The following SYN3 variants were observed in gnomAD, a reference collection of about 807,000 sequenced individuals.
SYN3 encodes synapsin-3.
In SYN3, 35 loss-of-function variants were observed where a neutral mutation model predicts 65.8. The observed-to-expected ratio is 0.53, with a 90% confidence interval of 0.41 to 0.70. SYN3 has a LOEUF of 0.70. Among genes scored for constraint, SYN3 ranks in the 30% least tolerant of loss-of-function variants. The pLI, the probability that SYN3 is intolerant of heterozygous loss-of-function variation, is 0.00. For missense variants in SYN3, 680 were observed against 749.0 expected, an observed-to-expected ratio of 0.91 and a Z score of 1.08; for synonymous variants, 270 against 292.9, an observed-to-expected ratio of 0.92 and a Z score of 0.80.
intron 6 of SYN3, among the ~76,000 whole-genome samples, chr22:32,599,919 C>A (rs1401133790): frequency 6.6e-6 from 1 of 152,016 alleles, no homozygotes; most frequent in Non-Finnish European, 1.5e-5. Flanking sequence ...GGCAGCATGG[C>A]AGGAAGCTGT....
At chr22:32,680,095 G>A (rs2147108694) in intron 6 of SYN3, among the ~76,000 whole-genome samples, 1 of 152,002 alleles carries the variant, frequency 6.6e-6, no homozygotes, top group East Asian at 1.9e-4. Flanking sequence ...GTAATATTCT[G>A]TAATCGAATG....
intron 7 of SYN3, among the ~76,000 whole-genome samples, chr22:32,551,290 G>A (rs2058410484): frequency 6.6e-6 from 1 of 152,140 alleles, no homozygotes; most frequent in African/African-American, 2.4e-5. Flanking sequence ...CATCTCAACA[G>A]AGAGACTTGC....
chr22:32,730,946 C>G (rs2061262284), intron 6 of SYN3, among the ~76,000 whole-genome samples: 2 of 152,168 alleles, frequency 1.3e-5, no homozygotes, highest in Admixed American at 1.3e-4. Flanking sequence ...ACAAACATCA[C>G]TTTCCAGGAT....
Position 32,538,078 on chromosome 22 carries a change from T to C in SYN3, c.950A>G (p.Asn317Ser). 1 of 1,614,218 alleles carries C rather than the reference T, an allele frequency of 6.2e-7. No homozygotes were observed. Among genetic ancestry groups the C allele is most frequent in the Non-Finnish European group, 8.5e-7 (1 of 1,180,034 alleles). The change falls in exon 9 of 14, where the codon AAC (asparagine) becomes AGC (serine). Residue 317 changes from asparagine to serine, a missense_variant. Transcript: ENST00000358763. ...CTGCTCCAGCATGGCAGAGCCTGTG[T>C]TGGCCTTCCAGTTCCCAGAGATGGA... ...RTSISGNWKA[N>S]TGSAMLEQVA... is the part of the protein sequence containing the mutation.
chr22:32,981,678 A>C (rs1601835739), intron 2 of SYN3, among the ~76,000 whole-genome samples: 1 of 152,260 alleles, frequency 6.6e-6, no homozygotes, highest in East Asian at 1.9e-4. Context: ...CCACATAAAA[A>C]GGTCTGAAAT....
Position 32,734,509 on chromosome 22 carries a change from G to GACAGA in SYN3, c.711+130405_711+130406insTCTGT, listed in dbSNP as rs1555941092. Among the ~76,000 whole-genome samples, 47 of 84,042 alleles carry GACAGA rather than the reference G, an allele frequency of 5.6e-4. 1 individual carries two copies. In the South Asian group the frequency reaches 7.6e-3, roughly 14 times the overall value. The allele number at this position is 84,042 out of a possible 152,430, so 55.1% of individuals were successfully genotyped here. A position where few individuals can be genotyped will look rare whatever the true frequency, so the allele number is the denominator to read the frequency against. ...TGATGGAGGAGCAGAGAAGAGGCAG[G>GACAGA]CAGGCAGACAGACAGACAGACAGAC... is the stretch of plus-strand genomic sequence containing the variant. On this transcript the variant is annotated intron_variant, in intron 6 of 13. Coordinates refer to ENST00000358763, the MANE Select transcript of SYN3 (RefSeq NM_003490.4).
At chr22:32,760,139 T>C (rs1370208251) in intron 6 of SYN3, among the ~76,000 whole-genome samples, 3 of 77,756 alleles carry the variant, frequency 3.9e-5, no homozygotes, top group African/African-American at 5.3e-5. Context: ...CACCCATGCA[T>C]CCGCAGCCAG....
At chr22:32,948,311 G>A (rs188503470) in intron 3 of SYN3, among the ~76,000 whole-genome samples, 3 of 152,054 alleles carry the variant, frequency 2.0e-5, no homozygotes, top group Non-Finnish European at 2.9e-5. Flanking sequence ...ACACTGTAGC[G>A]GGCTACTAGG....
chr22:32,671,730 C>T (rs1346515501), intron 6 of SYN3, among the ~76,000 whole-genome samples: 3 of 149,656 alleles, frequency 2.0e-5, no homozygotes, highest in Admixed American at 1.3e-4. Flanking sequence ...CTCACAGGTA[C>T]ACACACATGC....
intron 6 of SYN3, among the ~76,000 whole-genome samples, chr22:32,707,997 G>C (rs1232722225): frequency 6.6e-6 from 1 of 152,242 alleles, no homozygotes; most frequent in Admixed American, 6.5e-5. Flanking sequence ...CAGAAACTAA[G>C]ACTTAGAGCC....
At chr22:32,530,864 G>A (rs2146156651) in intron 10 of SYN3, among the ~76,000 whole-genome samples, 1 of 151,984 alleles carries the variant, frequency 6.6e-6, no homozygotes, top group Non-Finnish European at 1.5e-5. Context: ...AAATTAGCCG[G>A]GCGTGGTGGC....
chr22:32,576,527 T>A (rs1011349705), intron 7 of SYN3, among the ~76,000 whole-genome samples: 2 of 152,180 alleles, frequency 1.3e-5, no homozygotes, highest in Non-Finnish European at 2.9e-5. Context: ...GTAAGGTATT[T>A]CAAATTCAAA....
chr22:32,579,869 T>G (rs552945142), intron 7 of SYN3, among the ~76,000 whole-genome samples: 1 of 152,324 alleles, frequency 6.6e-6, no homozygotes, highest in Admixed American at 6.5e-5. Context: ...CTCCTTCTGT[T>G]GTTATTGAGC....
chr22:32,801,976 C>G lies in SYN3; in HGVS notation c.711+62939G>C. Reference sequence around the variant, plus strand: ...GCAACTTTGGAGAGGCGAGCAGCAGCCCCGGCAGCGGCGGCAGCAGCGGCA... The same window carrying G: ...GCAACTTTGGAGAGGCGAGCAGCAGGCCCGGCAGCGGCGGCAGCAGCGGCA... On this transcript the variant is annotated intron_variant, in intron 6 of 13. Coordinates refer to ENST00000358763, the MANE Select transcript of SYN3 (RefSeq NM_003490.4). This position sits in a 1 kb window ranked among gnomAD's most constrained non-coding sequence, Gnocchi z 4.7. 1 of 1,580,486 alleles carries G rather than the reference C, an allele frequency of 6.3e-7. No individual in the cohort carries two copies. The highest frequency in any genetic ancestry group is 8.5e-7 in the Non-Finnish European group (1 of 1,170,692).
intron 1 of SYN3, among the ~76,000 whole-genome samples, chr22:33,015,845 C>CTTT (rs397838349): frequency 7.2e-6 from 1 of 139,312 alleles, no homozygotes; most frequent in South Asian, 2.2e-4. Flanking sequence ...ATTTTCTTTT[C>CTTT]TTTTTTTTTT....
At chr22:32,628,921 C>T (rs528699409) in intron 6 of SYN3, among the ~76,000 whole-genome samples, 1 of 152,254 alleles carries the variant, frequency 6.6e-6, no homozygotes, top group Non-Finnish European at 1.5e-5. Flanking sequence ...TGTGGTCTCC[C>T]AGGTGCCCTG....
intron 7 of SYN3, among the ~76,000 whole-genome samples, chr22:32,569,286 T>TCTATCTATCTAC (rs2058715629): frequency 6.6e-6 from 1 of 150,732 alleles, no homozygotes; most frequent in Admixed American, 6.7e-5. Context: ...TATCTATCTA[T>TCTATCTATCTAC]CTATCTATCT....
intron 6 of SYN3, among the ~76,000 whole-genome samples, chr22:32,614,618 T>C (rs889108974): frequency 2.6e-5 from 4 of 152,190 alleles, no homozygotes; most frequent in African/African-American, 9.7e-5. Context: ...AGGAGGAAAC[T>C]GAGGCCTGGG....
intron 6 of SYN3, among the ~76,000 whole-genome samples, chr22:32,630,137 C>A (rs566969094): frequency 6.6e-6 from 1 of 152,126 alleles, no homozygotes; most frequent in East Asian, 1.9e-4. Context: ...GCGCCCACCA[C>A]CATGCCCAGC....
Sources: allele counts gnomAD v4.1 joint callset (sites outside exome capture counted in the v4.1 genomes callset), GRCh38; gene constraint gnomAD v4.1.1; non-coding constraint Gnocchi (gnomAD v3.1); transcripts MANE v1.5; gene names NCBI Gene and HGNC (gene_info 2026-07-23, HGNC 2026-07-21).